DMD: variants seen among roughly 807,000 people sequenced by gnomAD.
The protein encoded by DMD is mutant dystrophin.
DMD carries 63 observed loss-of-function variants against 330.1 expected under a neutral mutation model. The observed-to-expected ratio is 0.19, with a 90% confidence interval of 0.16 to 0.24. The LOEUF is 0.24. DMD is among the 10% of genes least tolerant of loss of function. The pLI, the probability that DMD is intolerant of heterozygous loss-of-function variation, is 1.00. For missense variants in DMD, 3,344 were observed against 2,684.1 expected (o/e 1.25, Z -5.43); for synonymous variants, 1,223 against 959.8 (o/e 1.27, Z -5.07).
At chrX:31,788,789 T>G (rs940571116) in intron 50 of DMD, among the ~76,000 whole-genome samples, 1 of 111,622 alleles carries the variant, frequency 9.0e-6, no homozygotes, top group African/African-American at 3.3e-5. Flanking sequence ...TTATACCTTC[T>G]TGATGAATTG....
chrX:32,329,841 T>C (rs941288575), intron 41 of DMD, among the ~76,000 whole-genome samples: 2 of 112,655 alleles, frequency 1.8e-5, no homozygotes, highest in African/African-American at 6.4e-5. Context: ...TGCACTGATA[T>C]CCAGAAAAAC....
intron 51 of DMD, among the ~76,000 whole-genome samples, chrX:31,758,029 C>T (rs1218787323): frequency 1.8e-5 from 2 of 110,543 alleles, no homozygotes; most frequent in Non-Finnish European, 3.8e-5. Context: ...TGCCCCTACA[C>T]GTTGACCCCA....
At chrX:32,166,043 A>G (rs1357592893) in intron 44 of DMD, among the ~76,000 whole-genome samples, 1 of 111,077 alleles carries the variant, frequency 9.0e-6, no homozygotes, top group African/African-American at 3.3e-5. Context: ...TCCTTTATAA[A>G]TTACCCAATC....
chrX:31,724,964 C>T (rs1206876791), intron 52 of DMD, among the ~76,000 whole-genome samples: 1 of 112,138 alleles, frequency 8.9e-6, no homozygotes, highest in Non-Finnish European at 1.9e-5. Flanking sequence ...CTCAAATACA[C>T]AGAAGTCAAA....
intron 19 of DMD, among the ~76,000 whole-genome samples, chrX:32,496,080 T>G (rs188466957): frequency 1.8e-5 from 2 of 111,927 alleles, no homozygotes; most frequent in Admixed American, 9.5e-5. Context: ...TTGTGTACAG[T>G]GCATAACAGA....
chrX:31,506,438 TAAAG>T (rs2070952110), intron 56 of DMD, among the ~76,000 whole-genome samples: 1 of 112,141 alleles, frequency 8.9e-6, no homozygotes, highest in Non-Finnish European at 1.9e-5. Flanking sequence ...ATATTTTTAA[TAAAG>T]AGAAATGAAT....
At chrX:31,479,493 A>C (rs1296792478) in intron 57 of DMD, among the ~76,000 whole-genome samples, 2 of 112,330 alleles carry the variant, frequency 1.8e-5, no homozygotes, top group Admixed American at 9.4e-5. Context: ...TCCAGAACAT[A>C]ATGGGAAGCC....
chrX:31,444,814 A>G (rs1569542850), intron 59 of DMD, among the ~76,000 whole-genome samples, 187 bp from the exon 60 acceptor site: 1 of 111,505 alleles, frequency 9.0e-6, no homozygotes, highest in Non-Finnish European at 1.9e-5. Flanking sequence ...AACGAAATCA[A>G]AACACCTAAG....
chrX:32,782,404 G>A (rs751720636), intron 7 of DMD, among the ~76,000 whole-genome samples: 2 of 112,015 alleles, frequency 1.8e-5, no homozygotes, highest in Non-Finnish European at 3.8e-5. Flanking sequence ...GGGTTCAGCT[G>A]TGAAATGCAG....
intron 6 of DMD, among the ~76,000 whole-genome samples, chrX:32,812,502 T>C (rs1183712837): frequency 9.0e-6 from 1 of 111,168 alleles, no homozygotes; most frequent in African/African-American, 3.3e-5. Flanking sequence ...GCATGGTGGC[T>C]CGTGCCTATA....
At chrX:32,102,187 G>C (rs1209247628) in intron 44 of DMD, 2 of 111,500 alleles carry the variant, frequency 1.8e-5, no homozygotes, top group Non-Finnish European at 3.8e-5. Flanking sequence ...CTCAACCTTG[G>C]ACTTCTCAGC....
chrX:32,134,762 G>A (rs1398861063), intron 44 of DMD, among the ~76,000 whole-genome samples: 1 of 111,365 alleles, frequency 9.0e-6, no homozygotes, highest in Non-Finnish European at 1.9e-5. Flanking sequence ...GATGAATAAA[G>A]AGAAATTCTT....
chrX:32,649,711 C>T (rs935346617), intron 9 of DMD, among the ~76,000 whole-genome samples: 4 of 109,966 alleles, frequency 3.6e-5, no homozygotes, highest in Non-Finnish European at 5.7e-5. Context: ...AATTTCTACT[C>T]GTAGAATTTC....
At chrX:33,121,219 C>T (rs996016839) in intron 1 of DMD, among the ~76,000 whole-genome samples, 2 of 108,439 alleles carry the variant, frequency 1.8e-5, no homozygotes, top group Non-Finnish European at 3.8e-5. Flanking sequence ...AATTTTGACT[C>T]AATTTATCAT....
At position 32,252,118 on chromosome X, in the gene DMD, A is replaced by G. The variant is rs191526390; in HGVS notation, c.6291-35055T>C. The stretch of plus-strand genomic sequence containing the variant: ...TGGCCTACAATGACTTGTACAACGT[A>G]AAACTTGCCACGCTCTCCCTCTCTC... On this transcript the variant is annotated intron_variant, in intron 43 of 78. Coordinates refer to ENST00000357033, the MANE Select transcript of DMD (RefSeq NM_004006.3). 4.2e-3 allele frequency among the ~76,000 whole-genome samples: 465 copies of G among 111,915 alleles called. 3 individuals are homozygous for G. The highest frequency in any genetic ancestry group is 0.015 in the African/African-American group (452 of 30,836).
At chrX:32,673,087 T>A (rs754564860) in intron 9 of DMD, among the ~76,000 whole-genome samples, 2 of 111,242 alleles carry the variant, frequency 1.8e-5, no homozygotes, top group Non-Finnish European at 3.8e-5. Flanking sequence ...ATATTTCAAG[T>A]TTTCTTGAGA....
chrX:31,746,389 T>C (rs192770719), intron 51 of DMD, among the ~76,000 whole-genome samples: 1 of 111,837 alleles, frequency 8.9e-6, no homozygotes, highest in East Asian at 2.8e-4. Flanking sequence ...ATCAAAATAA[T>C]TGGCACAGCT....
chrX:32,019,626 TC>T (rs2095793034), intron 44 of DMD, among the ~76,000 whole-genome samples: 1 of 111,894 alleles, frequency 8.9e-6, no homozygotes, highest in Non-Finnish European at 1.9e-5. Flanking sequence ...GTTTCAAAGC[TC>T]GTAAAATAAT....
intron 55 of DMD, among the ~76,000 whole-genome samples, chrX:31,524,290 A>G (rs2073084218): frequency 8.9e-6 from 1 of 112,127 alleles, no homozygotes; most frequent in African/African-American, 3.2e-5. Flanking sequence ...CCTACAGCCA[A>G]GAAAATTCTG....
Sources: allele counts gnomAD v4.1 joint callset (sites outside exome capture counted in the v4.1 genomes callset), GRCh38; gene constraint gnomAD v4.1.1; transcripts MANE v1.5; gene names NCBI Gene and HGNC (gene_info 2026-07-23, HGNC 2026-07-21).